SUPT6H: variants seen among roughly 807,000 people sequenced by gnomAD.
The protein encoded by SUPT6H is transcription elongation factor SPT6.
Under a neutral mutation model 222.3 loss-of-function variants are expected in SUPT6H, and 11 were observed. The observed-to-expected ratio is 0.05, with a 90% confidence interval of 0.03 to 0.08. The LOEUF is 0.08. SUPT6H is among the 10% of genes least tolerant of loss of function. The pLI, the probability that SUPT6H is intolerant of heterozygous loss-of-function variation, is 1.00. For missense variants in SUPT6H, 1,422 were observed against 2,216.0 expected (o/e 0.64, Z 7.19); for synonymous variants, 762 against 801.2 (o/e 0.95, Z 0.83).
chr17:28,693,650 C>G (rs749458820), intron 27 of SUPT6H, 46 bp from the exon 28 acceptor site: 1 of 1,608,850 alleles, frequency 6.2e-7, no homozygotes, highest in South Asian at 1.1e-5. Flanking sequence ...AATGAGCGAT[C>G]TCCAGAATAT....
intron 28 of SUPT6H, among the ~76,000 whole-genome samples, chr17:28,694,259 A>G (rs2031799418): frequency 6.6e-6 from 1 of 152,232 alleles, no homozygotes; most frequent in African/African-American, 2.4e-5. Context: ...AGGCAGGACC[A>G]GATGACACAG....
chr17:28,697,832 A>AC (rs1196930755), intron 31 of SUPT6H, 74 bp from the exon 32 acceptor site: 1 of 1,607,168 alleles, frequency 6.2e-7, no homozygotes, highest in African/African-American at 1.3e-5. Context: ...AAGGAAGTGT[A>AC]CATCATGTGT....
intron 35 of SUPT6H, chr17:28,700,726 G>A (rs905208102): frequency 3.0e-5 from 28 of 922,792 alleles, no homozygotes; most frequent in Non-Finnish European, 3.5e-5. Flanking sequence ...TTTGGAACCC[G>A]CAAGCCACCA....
chr17:28,683,215 G>A, intron 15 of SUPT6H, 53 bp from the exon 16 acceptor site: 8 of 1,593,248 alleles, frequency 5.0e-6, no homozygotes, highest in Non-Finnish European at 6.8e-6. Flanking sequence ...CTTTTCTCCT[G>A]GGGCCTGGCC....
chr17:28,682,002 A>G, intron 13 of SUPT6H, 22 bp downstream of exon 13: 1 of 1,583,474 alleles, frequency 6.3e-7, no homozygotes, highest in Non-Finnish European at 8.6e-7. Flanking sequence ...CTGCTTTGGG[A>G]TTTAGGCATT....
Position 28,684,571 on chromosome 17 carries a change from T to C in SUPT6H, c.2230-15T>C, listed in dbSNP as rs754503286. On this transcript the variant is annotated splice_polypyrimidine_tract_variant and intron_variant, in intron 17 of 36. Coordinates refer to ENST00000314616, the MANE Select transcript of SUPT6H (RefSeq NM_003170.5). ...GTCATCATGTATGTAATACCTGTTGTGTCTCTTCCCTCAGGCCTGTAGTCG... is the reference window on the plus strand; with the variant it reads ...GTCATCATGTATGTAATACCTGTTGCGTCTCTTCCCTCAGGCCTGTAGTCG... 1.2e-6 allele frequency: 2 copies of C among 1,614,120 alleles called. No homozygotes were observed. The highest frequency in any genetic ancestry group is 1.7e-6 in the Non-Finnish European group (2 of 1,179,994).
rs2031302452 is a variant in SUPT6H, at chr17:28,684,869, G to A, written c.2395G>A (p.Val799Ile). Residue 799 changes from valine to isoleucine, a missense_variant, in exon 19 of 37, where the codon GTC (valine) becomes ATC (isoleucine). By Grantham distance (29) the Val-to-Ile change is conservative (BLOSUM62 3). Around this residue, in one of 13 missense-constraint regions of SUPT6H, gnomAD observed 294 missense variants for 382.1 expected, o/e 0.77. Coordinates refer to ENST00000314616, the MANE Select transcript of SUPT6H (RefSeq NM_003170.5). The part of the protein sequence containing the change: ...ARDHPVFCAL[V>I]NGEGEVTDFL... ...AGATCACCCTGTGTTCTGCGCCCTGGTCAATGGTGAAGGAGAAGTGACAGA... is the reference window on the plus strand; with the variant it reads ...AGATCACCCTGTGTTCTGCGCCCTGATCAATGGTGAAGGAGAAGTGACAGA... The A allele has an allele frequency of 6.2e-7, 1 of 1,614,028 alleles. No individual in the cohort carries two copies. Among genetic ancestry groups the A allele is most frequent in the African/African-American group, 1.3e-5 (1 of 74,906 alleles).
chr17:28,674,767 C>A, intron 4 of SUPT6H, 154 bp downstream of exon 4: 2 of 897,836 alleles, frequency 2.2e-6, no homozygotes, highest in Non-Finnish European at 3.5e-6. Context: ...AGATTTGCAT[C>A]CCAGATCTGG....
intron 28 of SUPT6H, among the ~76,000 whole-genome samples, chr17:28,694,177 G>A (rs2031796567): frequency 6.6e-6 from 1 of 152,214 alleles, no homozygotes; most frequent in South Asian, 2.1e-4. Context: ...CCAAGACCAG[G>A]CATCAGCGCT....
intron 6 of SUPT6H, 48 bp from the exon 7 acceptor site, chr17:28,676,109 C>G (rs1480453632): frequency 2.0e-6 from 3 of 1,532,322 alleles, no homozygotes; most frequent in Non-Finnish European, 2.6e-6. Context: ...CTGCATTTCT[C>G]TCCTCTCACC....
In SUPT6H at chr17:28,681,308, C is replaced by T. The variant is rs1209783717; in HGVS notation, c.1402C>T (p.Leu468Phe). The T allele has an allele frequency of 6.2e-7, 1 of 1,614,024 alleles. No homozygotes were observed. Among genetic ancestry groups the T allele is most frequent in the Admixed American group, 1.7e-5 (1 of 59,990 alleles). The change falls in exon 12 of 37, where the codon CTT becomes TTT. Residue 468 changes from leucine (L) to phenylalanine (F), a missense_variant. Leu to Phe is a conservative substitution (Grantham distance 22). Transcript: ENST00000314616. ...GCTGAAAGATGTCTACAACCATTTT[C>T]TTCTTTATTATGGCCGAGACATCCC... The part of the protein sequence containing the change: ...DELKDVYNHF[L>F]LYYGRDIPKM...
intron 29 of SUPT6H, 70 bp from the exon 30 acceptor site, chr17:28,696,774 C>T (rs2031940371): frequency 2.9e-6 from 4 of 1,383,792 alleles, no homozygotes; most frequent in Non-Finnish European, 3.1e-6. Context: ...AAATGAAGGC[C>T]TGGTTTGTCC....
intron 11 of SUPT6H, among the ~76,000 whole-genome samples, chr17:28,680,642 G>A (rs570942826): frequency 6.6e-6 from 1 of 152,006 alleles, no homozygotes; most frequent in Non-Finnish European, 1.5e-5. Context: ...CATGTGTCTT[G>A]GTTTTGTTTT....
intron 28 of SUPT6H, 171 bp from the exon 29 acceptor site, chr17:28,695,181 A>C: frequency 3.1e-6 from 2 of 651,602 alleles, no homozygotes; most frequent in East Asian, 2.8e-5. Flanking sequence ...TAGTCTACAG[A>C]CAAGATTCCA....
chr17:28,692,535 A>G lies in SUPT6H; in HGVS notation c.3634-1161A>G, dbSNP rs1168864729. 1.0e-4 allele frequency among the ~76,000 whole-genome samples: 15 copies of G among 146,580 alleles called. 2 individuals carry two copies. The highest frequency in any genetic ancestry group is 1.5e-5 in the Non-Finnish European group (1 of 66,772). ...TATCTCAAAAAAAAACACAAAAGGG[A>G]GGGGCCTCAGTTGCAGCTAAAGGGA... On this transcript the variant is annotated intron_variant, in intron 27 of 36. Coordinates refer to ENST00000314616, the MANE Select transcript of SUPT6H (RefSeq NM_003170.5).
intron 1 of SUPT6H, among the ~76,000 whole-genome samples, chr17:28,667,435 A>ATATATATGTG (rs1491494572): frequency 1.2e-4 from 15 of 128,764 alleles, no homozygotes; most frequent in African/African-American, 4.4e-4. Flanking sequence ...ATATATATAT[A>ATATATATGTG]TGTATGTGTG....
At chr17:28,665,527 G>A (rs2029959829) in intron 1 of SUPT6H, among the ~76,000 whole-genome samples, 1 of 152,184 alleles carries the variant, frequency 6.6e-6, no homozygotes, top group South Asian at 2.1e-4. Context: ...GGAGGCTGAG[G>A]CAGGCGGATC....
chr17:28,684,755 C>G, intron 18 of SUPT6H, 30 bp downstream of exon 18: 2 of 1,613,306 alleles, frequency 1.2e-6, no homozygotes, highest in Non-Finnish European at 1.7e-6. Flanking sequence ...TCCCCAGCAC[C>G]ATCTCTTGTC....
At chr17:28,668,995 A>C (rs2030254936) in intron 1 of SUPT6H, among the ~76,000 whole-genome samples, 1 of 152,006 alleles carries the variant, frequency 6.6e-6, no homozygotes, top group Admixed American at 6.6e-5. Flanking sequence ...CTTTACAGTC[A>C]CTCCTCAACT....
Sources: allele counts gnomAD v4.1 joint callset (sites outside exome capture counted in the v4.1 genomes callset), GRCh38; gene constraint gnomAD v4.1.1; regional missense constraint gnomAD v4.1.1; transcripts MANE v1.5; gene names NCBI Gene and HGNC (gene_info 2026-07-23, HGNC 2026-07-21).